NF1: variants seen among roughly 807,000 people sequenced by gnomAD.
The protein encoded by NF1 is neurofibromin 1.
NF1 carries 122 observed loss-of-function variants against 325.7 expected under a neutral mutation model. The ratio of observed to expected loss-of-function variants is 0.37; its 90% confidence interval spans 0.32 to 0.44. NF1 has a LOEUF of 0.44. NF1 is among the 20% of genes least tolerant of loss of function. NF1 has a pLI of 1.00. For missense variants in NF1, 2,140 were observed against 3,415.4 expected (o/e 0.63, Z 9.31); for synonymous variants, 1,091 against 1,186.0 (o/e 0.92, Z 1.65).
At chr17:31,137,498 A>G (rs1314512641) in intron 1 of NF1, 1 of 152,140 alleles carries the variant, frequency 6.6e-6, no homozygotes, top group Admixed American at 6.5e-5. Flanking sequence ...TTTTTCACAT[A>G]GGGTCAAACC....
Position 31,169,923 on chromosome 17 carries a change from A to G in NF1, c.512A>G (p.Asn171Ser), listed in dbSNP as rs767500770. The G allele has an allele frequency of 2.0e-5, 30 of 1,497,272 alleles. No homozygotes were observed. Among genetic ancestry groups the G allele is most frequent in the Non-Finnish European group, 2.6e-5 (29 of 1,105,732 alleles). 92.7% of individuals were successfully genotyped at this position (1,497,272 alleles called of 1,614,324 possible). A position where few individuals can be genotyped will look rare whatever the true frequency, so the allele number is the denominator to read the frequency against. ...GAATTAACTGTTTGTTCAGAAGACA[A>G]TGTTGATGTTCATGATATAGAATTG... ...LQELTVCSED[N>S]VDVHDIELLQ... The change falls in exon 5 of 58, where the codon AAT (asparagine) becomes AGT (serine). Residue 171 changes from asparagine to serine, a missense_variant. Around this residue, in one of 10 missense-constraint regions of NF1, gnomAD observed 246 missense variants for 347.8 expected, o/e 0.71. Transcript: ENST00000358273.
Position 31,236,030 on chromosome 17 carries a change from T to A in NF1, c.3974+9T>A, listed in dbSNP as rs368586596. ...GAAGTGGATCCTACCAGGTTTGTCA[T>A]CTTTTCACATAGAACCGCTGTTTTT... On this transcript the variant is annotated intron_variant, in intron 29 of 57. Coordinates refer to ENST00000358273, the MANE Select transcript of NF1 (RefSeq NM_001042492.3). 29 of 1,602,312 alleles carry A rather than the reference T, an allele frequency of 1.8e-5. No individual in the cohort carries two copies. Among genetic ancestry groups the A allele is most frequent in the Non-Finnish European group, 2.5e-5 (29 of 1,172,458 alleles).
Position 31,204,758 on chromosome 17 carries a change from C to T in NF1, c.1261-1482C>T, listed in dbSNP as rs140884136. On this transcript the variant is annotated intron_variant, in intron 11 of 57. Coordinates refer to ENST00000358273, the MANE Select transcript of NF1 (RefSeq NM_001042492.3). Reference sequence around the variant, plus strand: ...TTTATCAGTTTCTGACAAGATCTTACGAGATGTGTTGGGTAAGGAAGACCC... The same window carrying T: ...TTTATCAGTTTCTGACAAGATCTTATGAGATGTGTTGGGTAAGGAAGACCC... Among the ~76,000 whole-genome samples the T allele has an allele frequency of 3.2e-3, 492 of 152,020 alleles. 8 individuals carry two copies. Among genetic ancestry groups the T allele is most frequent in the African/African-American group, 0.011 (462 of 41,494 alleles).
chr17:31,295,699 A>C (rs749083754), intron 36 of NF1: 1 of 1,614,210 alleles, frequency 6.2e-7, no homozygotes, highest in Admixed American at 1.7e-5. Flanking sequence ...AGAGTTGGTC[A>C]AAAGATTGGT....
intron 27 of NF1, among the ~76,000 whole-genome samples, chr17:31,233,414 T>C (rs914346875): frequency 6.6e-6 from 1 of 152,228 alleles, no homozygotes; most frequent in Non-Finnish European, 1.5e-5. Flanking sequence ...CATTTCATCC[T>C]ACTAAAAAAT....
rs1487025591 is a variant in NF1 at position 31,357,342 on chromosome 17, T to C, written c.7943T>C (p.Val2648Ala). Residue 2648 changes from valine (V) to alanine (A), a missense_variant, in exon 54 of 58, where the codon GTT becomes GCT. By Grantham distance (64) the Val-to-Ala change is moderately conservative (BLOSUM62 0). This residue lies in a region of NF1 where 522 missense variants were observed against 749.0 expected (regional missense o/e 0.70). Coordinates refer to ENST00000358273, the MANE Select transcript of NF1 (RefSeq NM_001042492.3). ...TATGAATACTTAGCAGAGGCCAGTG[T>C]TGTGTTTCCCAAAGTCTTTCCTGTT... ...ILYEYLAEAS[V>A]VFPKVFPVVH... 1.2e-6 allele frequency: 2 copies of C among 1,613,762 alleles called. No homozygotes were observed. The highest frequency in any genetic ancestry group is 2.7e-5 in the African/African-American group (2 of 74,910).
intron 27 of NF1, among the ~76,000 whole-genome samples, chr17:31,234,530 G>T (rs1384066946): frequency 1.3e-5 from 2 of 151,796 alleles, no homozygotes; most frequent in African/African-American, 4.8e-5. Context: ...AAAAAAATCA[G>T]CTGGGCGTGG....
rs2151430492 is a variant in NF1 at position 31,229,847 on chromosome 17, G to A, written c.2863G>A (p.Asp955Asn). Residue 955 changes from aspartate to asparagine, a missense_variant, in exon 22 of 58, where the codon GAT becomes AAT. Asp to Asn is a conservative substitution (Grantham distance 23). Coordinates refer to ENST00000358273, the MANE Select transcript of NF1 (RefSeq NM_001042492.3). ...GTTCTTTCTTTAGGTTTTATTGACT[G>A]ATACCAATACTCAATTTGTAGAACA... ...FDSQGQVLLT[D>N]TNTQFVEQTI... 6.2e-7 allele frequency: 1 copy of A among 1,611,678 alleles called. No homozygotes were observed. The highest frequency in any genetic ancestry group is 1.1e-5 in the South Asian group (1 of 90,976).
intron 36 of NF1, chr17:31,320,847 A>ACTT (rs1333914937): frequency 5.9e-6 from 1 of 170,312 alleles, no homozygotes; most frequent in African/African-American, 2.4e-5. Context: ...ACTAGACTGG[A>ACTT]CTTCTGTATT....
chr17:31,230,028 C>T, intron 22 of NF1, 54 bp downstream of exon 22: 1 of 1,594,702 alleles, frequency 6.3e-7, no homozygotes, highest in South Asian at 1.1e-5. Context: ...AGAAAAACCT[C>T]TTACACACTG....
intron 22 of NF1, 35 bp from the exon 23 acceptor site, chr17:31,230,225 C>T (rs2151431391): frequency 6.2e-7 from 1 of 1,609,442 alleles, no homozygotes; most frequent in Non-Finnish European, 8.5e-7. Context: ...TTGTCTATAT[C>T]TGATAATTTT....
At position 31,367,041 on chromosome 17, in the gene NF1, TTC is replaced by T. The variant is rs537018104; in HGVS notation, c.8377+6343_8377+6344del. On this transcript the variant is annotated intron_variant, in intron 57 of 57. Transcript: ENST00000358273. Reference sequence around the variant, plus strand: ...AAAAATACATCTACAAAGTTGTAAGTTCTCTCATTTATTTACCAACTGTAATA... The same window carrying T: ...AAAAATACATCTACAAAGTTGTAAGTTCTCATTTATTTACCAACTGTAATA... Among the ~76,000 whole-genome samples the T allele has an allele frequency of 2.0e-5, 3 of 152,144 alleles. No individual in the cohort carries two copies. The South Asian group carries it at 6.2e-4, about 32-fold the overall frequency.
intron 36 of NF1, among the ~76,000 whole-genome samples, chr17:31,275,825 C>T (rs1386314238): frequency 6.6e-6 from 1 of 152,178 alleles, no homozygotes; most frequent in Non-Finnish European, 1.5e-5. Flanking sequence ...CCACCATATT[C>T]TGGCTTTTTT....
Position 31,261,643 on chromosome 17 carries a change from A to C in NF1, c.4578-68A>C, listed in dbSNP as rs1228030626. 7 of 1,571,620 alleles carry C rather than the reference A, an allele frequency of 4.5e-6. No individual in the cohort carries two copies. The African/African-American group carries it at 9.5e-5, about 21-fold the overall frequency. ...GTAAAAGGAAAAGCAACCAGTTACAAGTTAAAGAAATGTGTAGTGCTAAAT... is the reference window on the plus strand; with the variant it reads ...GTAAAAGGAAAAGCAACCAGTTACACGTTAAAGAAATGTGTAGTGCTAAAT... On this transcript the variant is annotated intron_variant, in intron 34 of 57. Transcript: ENST00000358273.
chr17:31,195,562 G>A (rs984527050), intron 8 of NF1, among the ~76,000 whole-genome samples: 6 of 151,932 alleles, frequency 3.9e-5, no homozygotes, highest in South Asian at 2.1e-4. Context: ...CCTGGCAACC[G>A]TCCTTTTACT....
Position 31,260,414 on chromosome 17 carries a change from A to G in NF1, c.4476A>G (p.Val1492=), listed in dbSNP as rs1597746972. ...IASDCPTSDA[V]NHSLSFISDG... ...CTGATTGTCCTACAAGTGATGCAGT[A>G]AATCATAGTCTTTCCTTCATAAGTG... Residue 1492 remains valine, a synonymous_variant, in exon 34 of 58, where the codon GTA becomes GTG. Coordinates refer to ENST00000358273, the MANE Select transcript of NF1 (RefSeq NM_001042492.3). 6.2e-7 allele frequency: 1 copy of G among 1,614,040 alleles called. No homozygotes were observed. Among genetic ancestry groups the G allele is most frequent in the East Asian group, 2.2e-5 (1 of 44,860 alleles).
intron 1 of NF1, 54 bp from the exon 2 acceptor site, chr17:31,155,929 T>A: frequency 6.3e-7 from 1 of 1,578,310 alleles, no homozygotes; most frequent in East Asian, 2.3e-5. Context: ...AAGTTATTTA[T>A]GGTCGTTTTT....
rs775621060 is a variant in NF1 at position 31,295,092 on chromosome 17, G to A, written c.4835+29753G>A. On this transcript the variant is annotated intron_variant, in intron 36 of 57. Coordinates refer to ENST00000358273, the MANE Select transcript of NF1 (RefSeq NM_001042492.3). Reference sequence around the variant, plus strand: ...CAAGCATTTGCCACAGAAGGTAATGGAGTCTTTACATTTGTGGTTGTCTCT... The same window carrying A: ...CAAGCATTTGCCACAGAAGGTAATGAAGTCTTTACATTTGTGGTTGTCTCT... The A allele has an allele frequency of 1.1e-5, 17 of 1,614,026 alleles. No individual in the cohort carries two copies. In the East Asian group the frequency reaches 3.8e-4, roughly 36 times the overall value.
chr17:31,195,073 T>C (rs1190997593), intron 8 of NF1, among the ~76,000 whole-genome samples: 3 of 152,146 alleles, frequency 2.0e-5, no homozygotes, highest in Non-Finnish European at 4.4e-5. Context: ...TAGAAATCAT[T>C]GTAAAATCAT....
Sources: allele counts gnomAD v4.1 joint callset (sites outside exome capture counted in the v4.1 genomes callset), GRCh38; gene constraint gnomAD v4.1.1; regional missense constraint gnomAD v4.1.1; transcripts MANE v1.5; gene names NCBI Gene and HGNC (gene_info 2026-07-23, HGNC 2026-07-21).